The following CAPN13 variants were observed in gnomAD, a reference collection of about 807,000 sequenced individuals.
CAPN13 encodes calpain 13.
A neutral mutation model predicts 98.4 loss-of-function variants in CAPN13; 90 were observed. The ratio of observed to expected loss-of-function variants is 0.92; its 90% CI spans 0.77 to 1.09. The LOEUF (loss-of-function observed/expected upper bound fraction) is 1.09, where lower values mean the gene tolerates loss of function less well. Among genes scored for constraint, CAPN13 ranks in the 50% least tolerant of loss-of-function variants. The pLI is 0.00. For missense variants in CAPN13, 887 were observed against 841.3 expected, an observed-to-expected ratio of 1.05 and a Z score of -0.67; for synonymous variants, 330 against 305.5, an observed-to-expected ratio of 1.08 and a Z score of -0.84.
chr2:30,771,520 C>A (rs979658861), intron 4 of CAPN13, among the ~76,000 whole-genome samples: 2 of 152,220 alleles, frequency 1.3e-5, no homozygotes, highest in East Asian at 3.9e-4. Flanking sequence ...AGGTTCTGCA[C>A]AGCTGTGGAC....
chr2:30,747,374 A>T (rs1671966215), intron 11 of CAPN13, among the ~76,000 whole-genome samples: 1 of 152,176 alleles, frequency 6.6e-6, no homozygotes, highest in South Asian at 2.1e-4. Flanking sequence ...TGTCTTCCTT[A>T]GTTGGCTTGA....
chr2:30,778,568 C>T (rs12995645), intron 2 of CAPN13, among the ~76,000 whole-genome samples: 3 of 152,018 alleles, frequency 2.0e-5, no homozygotes, highest in Non-Finnish European at 2.9e-5. Flanking sequence ...AGAGCAGGCC[C>T]GCAAACTGGA....
At chr2:30,757,684 G>A (rs1221652204) in intron 8 of CAPN13, among the ~76,000 whole-genome samples, 1 of 152,168 alleles carries the variant, frequency 6.6e-6, no homozygotes, top group African/African-American at 2.4e-5. Context: ...TTGGCAAGTC[G>A]GGGCTTGGCT....
chr2:30,786,852 C>T (rs189998553), intron 2 of CAPN13, among the ~76,000 whole-genome samples: 4 of 152,234 alleles, frequency 2.6e-5, no homozygotes, highest in Admixed American at 2.0e-4. Flanking sequence ...TCTTCATACC[C>T]GTGGTTTCCC....
chr2:30,732,419 G>GTC lies in CAPN13; in HGVS notation c.1927+18_1927+19insGA. 6.2e-7 allele frequency: 1 copy of GTC among 1,612,526 alleles called. No homozygotes were observed. Reference sequence around the variant, plus strand: ...CGGTCACTGCCAAGGTCTCTGGGATGCCCCTTGGGGACACTTACTTGCCAT... The same window carrying GTC: ...CGGTCACTGCCAAGGTCTCTGGGATGTCCCCCTTGGGGACACTTACTTGCCAT... On this transcript the variant is annotated intron_variant, in intron 20 of 22. Transcript: ENST00000295055.
chr2:30,724,408 C>T (rs1329124639), intron 22 of CAPN13, among the ~76,000 whole-genome samples: 1 of 152,094 alleles, frequency 6.6e-6, no homozygotes, highest in Non-Finnish European at 1.5e-5. Flanking sequence ...AAAATTGCTC[C>T]CATTTTCCCC....
intron 15 of CAPN13, among the ~76,000 whole-genome samples, chr2:30,741,053 C>T (rs753459160): frequency 1.3e-5 from 2 of 152,166 alleles, no homozygotes; most frequent in Non-Finnish European, 2.9e-5. Context: ...TCATCTTGGC[C>T]GGCCTTGTCA....
intron 5 of CAPN13, 126 bp downstream of exon 5, chr2:30,770,187 G>T: frequency 7.7e-7 from 1 of 1,296,044 alleles, no homozygotes; most frequent in Non-Finnish European, 1.1e-6. Flanking sequence ...TGCACGTGGT[G>T]ATTGTTTATG....
chr2:30,734,582 C>T, intron 18 of CAPN13, 58 bp from the exon 19 acceptor site: 1 of 1,358,974 alleles, frequency 7.4e-7, no homozygotes, highest in East Asian at 2.3e-5. Flanking sequence ...CTGGATACTC[C>T]TTTTCCATCC....
At chr2:30,733,129 A>G (rs1671187084) in intron 19 of CAPN13, among the ~76,000 whole-genome samples, 1 of 152,130 alleles carries the variant, frequency 6.6e-6, no homozygotes, top group African/African-American at 2.4e-5. Flanking sequence ...CCAGGGAGGC[A>G]CCGACCTCAC....
Position 30,722,978 on chromosome 2 carries a change from T to G in CAPN13, c.*289A>C, listed in dbSNP as rs1375882789. 1 of 152,248 alleles carries G rather than the reference T, an allele frequency of 6.6e-6. No homozygotes were observed. The highest frequency in any genetic ancestry group is 1.5e-5 in the Non-Finnish European group (1 of 68,056). 9.4% of individuals were successfully genotyped at this position (152,248 alleles called of 1,614,324 possible). A position where few individuals can be genotyped will look rare whatever the true frequency, so the allele number is the denominator to read the frequency against. On this transcript the variant is annotated 3_prime_UTR_variant, in exon 23 of 23. Transcript: ENST00000295055. Reference sequence around the variant, plus strand: ...GACTCAGAGACAACTTCTCTTCTCCTTTCCCACAGGGAGACATCTCCTGCT... The same window carrying G: ...GACTCAGAGACAACTTCTCTTCTCCGTTCCCACAGGGAGACATCTCCTGCT...
chr2:30,752,473 A>T (rs935351385), intron 10 of CAPN13, among the ~76,000 whole-genome samples: 2 of 152,184 alleles, frequency 1.3e-5, no homozygotes, highest in African/African-American at 4.8e-5. Context: ...AGGGGAGCTC[A>T]AAGACAGGCT....
chr2:30,734,977 TCA>T (rs1384532462), intron 18 of CAPN13, among the ~76,000 whole-genome samples: 2 of 152,238 alleles, frequency 1.3e-5, no homozygotes, highest in African/African-American at 4.8e-5. Flanking sequence ...AGTGCCTACC[TCA>T]CAGGTTTGTT....
At chr2:30,755,141 C>T (rs974550132) in intron 8 of CAPN13, among the ~76,000 whole-genome samples, 2 of 151,852 alleles carry the variant, frequency 1.3e-5, no homozygotes, top group African/African-American at 4.8e-5. Context: ...CCAAGCCCAA[C>T]TTTCACCCTG....
Position 30,732,472 on chromosome 2 carries a change from C to G in CAPN13, c.1893G>C (p.Leu631=). 6.2e-7 allele frequency: 1 copy of G among 1,613,592 alleles called. No homozygotes were observed. Among genetic ancestry groups the G allele is most frequent in the Non-Finnish European group, 8.5e-7 (1 of 1,179,774 alleles). Residue 631 remains leucine (L), a synonymous_variant, in exon 20 of 23, where the codon CTG becomes CTC. Coordinates refer to ENST00000295055, the MANE Select transcript of CAPN13 (RefSeq NM_144575.3). ...DSVGRVSFPS[L]VCFLMRLEAM... The stretch of plus-strand genomic sequence containing the variant: ...CTTCAAGCCGCATCAGGAAGCAGAC[C>G]AGGCTGGGGAAGCTGACCCTGCCGA...
intron 1 of CAPN13, among the ~76,000 whole-genome samples, chr2:30,797,937 G>A (rs768825372): frequency 6.6e-6 from 1 of 152,210 alleles, no homozygotes; most frequent in African/African-American, 2.4e-5. Flanking sequence ...TGTCCTACAC[G>A]ATGGCCAGGT....
At chr2:30,733,990 A>G (rs1189635879) in intron 19 of CAPN13, among the ~76,000 whole-genome samples, 2 of 152,212 alleles carry the variant, frequency 1.3e-5, no homozygotes, top group South Asian at 4.1e-4. Flanking sequence ...TCATTATCCC[A>G]GGGCTGAAAG....
chr2:30,792,582 G>A (rs950714917), intron 1 of CAPN13, among the ~76,000 whole-genome samples: 2 of 152,010 alleles, frequency 1.3e-5, no homozygotes, highest in Non-Finnish European at 2.9e-5. Context: ...TTCTCCAGAA[G>A]AAACCCCTAG....
intron 5 of CAPN13, among the ~76,000 whole-genome samples, chr2:30,767,977 C>T (rs1013806601): frequency 1.3e-5 from 2 of 152,236 alleles, no homozygotes; most frequent in Admixed American, 1.3e-4. Flanking sequence ...AGACTCATCT[C>T]TGAAGAAGAG....
Sources: gnomAD v4.1 joint callset for allele counts (sites outside exome capture counted in the v4.1 genomes callset) on GRCh38, gnomAD v4.1.1 for gene constraint, MANE v1.5 for transcripts, NCBI Gene and HGNC (gene_info 2026-07-23, HGNC 2026-07-21) for gene names.